The following CIT variants were observed in gnomAD, a reference collection of about 807,000 sequenced individuals.
CIT encodes citron Rho-interacting kinase.
Under a neutral mutation model 272.7 loss-of-function variants are expected in CIT, and 79 were observed. That is an observed-to-expected ratio of 0.29 (90% confidence interval 0.24 to 0.35). CIT has a LOEUF of 0.35. Among genes scored for constraint, CIT ranks in the 10% least tolerant of loss-of-function variants. CIT has a pLI of 1.00. For missense variants in CIT, 1,909 were observed against 2,618.3 expected, an observed-to-expected ratio of 0.73 and a Z score of 5.91; for synonymous variants, 948 against 995.6, an observed-to-expected ratio of 0.95 and a Z score of 0.90.
At chr12:119,763,849 A>T (rs1962112186) in intron 19 of CIT, among the ~76,000 whole-genome samples, 1 of 152,202 alleles carries the variant, frequency 6.6e-6, no homozygotes, top group African/African-American at 2.4e-5. Context: ...AAGGAAATTG[A>T]TAGAGCGGCA....
rs1403097467 is a variant in CIT at position 119,710,940 on chromosome 12, T to C, written c.4855-320A>G. 2.3e-6 allele frequency: 2 copies of C among 881,422 alleles called. No homozygotes were observed. Among genetic ancestry groups the C allele is most frequent in the Non-Finnish European group, 3.4e-6 (2 of 595,376 alleles). The allele number at this position is 881,422 out of a possible 1,614,324, so 54.6% of individuals were successfully genotyped here. On this transcript the variant is annotated intron_variant, in intron 37 of 47. Coordinates refer to ENST00000392521, the MANE Select transcript of CIT (RefSeq NM_001206999.2). The surrounding 1 kb of genome is among the most constrained non-coding windows in gnomAD (Gnocchi z 5.6). ...AAGCTGAAGCTAAGGAGATTTCACC[T>C]GCGCAGGGTTAATAAGACACATGAA...
chr12:119,760,186 C>CAAA (rs556831232), intron 20 of CIT, among the ~76,000 whole-genome samples: 2 of 63,002 alleles, frequency 3.2e-5, no homozygotes, highest in African/African-American at 5.9e-5. Context: ...GATTCCATCT[C>CAAA]AAAAAAAAAA....
At chr12:119,714,987 T>C (rs1002018596) in intron 32 of CIT, among the ~76,000 whole-genome samples, 1 of 152,232 alleles carries the variant, frequency 6.6e-6, no homozygotes, top group South Asian at 2.1e-4. Flanking sequence ...TCATCTTGAA[T>C]TGCAGCTGCC....
Position 119,697,693 on chromosome 12 carries a change from T to C in CIT, c.5848A>G (p.Thr1950Ala), listed in dbSNP as rs1415540734. ...GTGGACGGGCCCCGGTGGTGTTCAG[T>C]GCCGGACTCCTTCACGAGGTTTCCC... ...CKGNLVKESG[T>A]EHHRGPSTSR... The change falls in exon 46 of 48, where the codon ACT (threonine) becomes GCT (alanine). Residue 1950 changes from threonine (T) to alanine (A), a missense_variant. Transcript: ENST00000392521. This position sits in a 1 kb window ranked among gnomAD's most constrained non-coding sequence, Gnocchi z 4.9. 6.2e-6 allele frequency: 10 copies of C among 1,614,032 alleles called. No individual in the cohort carries two copies. In the African/African-American group the frequency reaches 1.1e-4, roughly 17 times the overall value.
At chr12:119,815,533 C>T (rs1350078140) in intron 9 of CIT, among the ~76,000 whole-genome samples, 2 of 151,928 alleles carry the variant, frequency 1.3e-5, no homozygotes, top group Admixed American at 1.3e-4. Context: ...ATGGAGAAAC[C>T]CCATCTCTAC....
At chr12:119,789,133 A>G (rs1014563073) in intron 10 of CIT, among the ~76,000 whole-genome samples, 1 of 152,226 alleles carries the variant, frequency 6.6e-6, no homozygotes, top group Non-Finnish European at 1.5e-5. Flanking sequence ...CAATTAAATC[A>G]GAGAGTCAGA....
At chr12:119,708,158 A>C (rs371706777) in intron 40 of CIT, 21 bp downstream of exon 40, 174 of 1,523,960 alleles carry the variant, frequency 1.1e-4, no homozygotes, top group Non-Finnish European at 1.4e-4. Context: ...TCCACCAGCT[A>C]GGACTCTGAG....
intron 9 of CIT, among the ~76,000 whole-genome samples, chr12:119,814,283 A>AT (rs915132816): frequency 3.3e-5 from 5 of 152,000 alleles, no homozygotes; most frequent in East Asian, 1.9e-4. Flanking sequence ...TTTTTGGCCT[A>AT]TTTTTTCTTA....
intron 27 of CIT, among the ~76,000 whole-genome samples, chr12:119,729,538 ATGAT>A (rs1958314498): frequency 6.6e-6 from 1 of 152,246 alleles, no homozygotes. Flanking sequence ...CTGAAGTTAA[ATGAT>A]TTTTAATAAA....
intron 9 of CIT, among the ~76,000 whole-genome samples, chr12:119,808,952 T>C (rs929111258): frequency 1.3e-5 from 2 of 152,138 alleles, no homozygotes; most frequent in South Asian, 2.1e-4. Flanking sequence ...GGTCAAGATA[T>C]GGGTGTGAAA....
intron 9 of CIT, among the ~76,000 whole-genome samples, chr12:119,813,864 T>A (rs1966901970): frequency 6.6e-6 from 1 of 152,120 alleles, no homozygotes; most frequent in East Asian, 1.9e-4. Flanking sequence ...AGTGGTGAAA[T>A]TCCTCAGGGC....
chr12:119,796,060 C>T (rs1013336677), intron 10 of CIT, among the ~76,000 whole-genome samples: 2 of 152,220 alleles, frequency 1.3e-5, no homozygotes, highest in Non-Finnish European at 2.9e-5. Flanking sequence ...CCTTAATGAG[C>T]CTTGAACAGC....
At position 119,712,700 on chromosome 12, in the gene CIT, G is replaced by A; in HGVS notation, c.4580-5C>T. The A allele has an allele frequency of 6.2e-7, 1 of 1,612,406 alleles. No individual in the cohort carries two copies. ...CTTCCACCGGCCTCTGTCCAGCTTG[G>A]TGCAAAGAGGAAGGGCAGAAAGAAA... On this transcript the variant is annotated splice_polypyrimidine_tract_variant and splice_region_variant and intron_variant, in intron 35 of 47. Coordinates refer to ENST00000392521, the MANE Select transcript of CIT (RefSeq NM_001206999.2). This position sits in a 1 kb window ranked among gnomAD's most constrained non-coding sequence, Gnocchi z 5.2.
chr12:119,799,580 G>A (rs1386905060), intron 10 of CIT, among the ~76,000 whole-genome samples: 1 of 152,080 alleles, frequency 6.6e-6, no homozygotes, highest in East Asian at 1.9e-4. Context: ...GGAAGAGAGT[G>A]CCCCTTCCTA....
chr12:119,775,681 G>A (rs1014897369), intron 16 of CIT, 105 bp downstream of exon 16: 8 of 821,300 alleles, frequency 9.7e-6, no homozygotes, highest in Non-Finnish European at 1.2e-5. Context: ...TCAGCGCTGG[G>A]TGACTAATTC....
At position 119,836,284 on chromosome 12, in the gene CIT, TAAAAAAAAAAA is replaced by T. The variant is rs201559880; in HGVS notation, c.517-2067_517-2057del. Among the ~76,000 whole-genome samples the T allele has an allele frequency of 5.3e-3, 222 of 42,258 alleles. 2 individuals are homozygous for T. Among genetic ancestry groups the T allele is most frequent in the Non-Finnish European group, 7.6e-3 (180 of 23,704 alleles). The allele number at this position is 42,258 out of a possible 152,430, so 27.7% of individuals were successfully genotyped here. On this transcript the variant is annotated intron_variant, in intron 5 of 47. Transcript: ENST00000392521. ...CCTGGCAACAGAGCGAGACTCCATC[TAAAAAAAAAAA>T]AAAAAAAAAAAAAAAAAAATTATGA...
chr12:119,792,388 G>A (rs891750613), intron 10 of CIT, among the ~76,000 whole-genome samples: 1 of 152,124 alleles, frequency 6.6e-6, no homozygotes, highest in African/African-American at 2.4e-5. Flanking sequence ...GTAATATGCT[G>A]CAAAAAATAA....
chr12:119,820,645 A>G (rs1176673716), intron 9 of CIT, among the ~76,000 whole-genome samples: 1 of 152,146 alleles, frequency 6.6e-6, no homozygotes, highest in African/African-American at 2.4e-5. Flanking sequence ...CAACTTTTCT[A>G]TAAATCTAAT....
At chr12:119,776,464 G>A in intron 14 of CIT, 56 bp from the exon 15 acceptor site, 2 of 1,443,544 alleles carry the variant, frequency 1.4e-6, no homozygotes, top group Non-Finnish European at 1.9e-6. Flanking sequence ...AAAAAGTCGT[G>A]TAGACTACTT....
Sources: allele counts gnomAD v4.1 joint callset (sites outside exome capture counted in the v4.1 genomes callset), GRCh38; gene constraint gnomAD v4.1.1; non-coding constraint Gnocchi (gnomAD v3.1); transcripts MANE v1.5; gene names NCBI Gene and HGNC (gene_info 2026-07-23, HGNC 2026-07-21).